TSPAN11: variants seen among roughly 807,000 people sequenced by gnomAD.
TSPAN11 encodes tetraspanin 11, also known as tetraspanin-11.
Under a neutral mutation model 32.9 loss-of-function variants are expected in TSPAN11, and 29 were observed. The observed-to-expected ratio is 0.88, with a 90% CI of 0.66 to 1.20. The LOEUF (loss-of-function observed/expected upper bound fraction) is 1.20. Among genes scored for constraint, TSPAN11 ranks in the 50% most tolerant of loss-of-function variants. The pLI, the probability that TSPAN11 is intolerant of heterozygous loss-of-function variation, is 0.00. For synonymous variants in TSPAN11, 140 were observed against 141.3 expected (o/e 0.99, Z 0.07); for missense variants, 283 against 329.1 (o/e 0.86, Z 1.08).
rs915160578 is a variant in TSPAN11 at position 30,991,993 on chromosome 12, G to A, written c.*78G>A. On this transcript the variant is annotated 3_prime_UTR_variant, in exon 8 of 8. Transcript: ENST00000546076. The stretch of plus-strand genomic sequence containing the variant: ...GCCATCTGCAAGGCCTGCAGAGTTA[G>A]CACCAGCTCCACTAGGGCCATAGAT... 9.9e-6 allele frequency: 15 copies of A among 1,522,810 alleles called. No individual in the cohort carries two copies. In the African/African-American group the frequency reaches 1.1e-4, roughly 11 times the overall value. 94.3% of individuals were successfully genotyped at this position (1,522,810 alleles called of 1,614,324 possible).
At chr12:30,945,844 T>A (rs1401270434) in intron 1 of TSPAN11, among the ~76,000 whole-genome samples, 1 of 152,094 alleles carries the variant, frequency 6.6e-6, no homozygotes, top group Non-Finnish European at 1.5e-5. Flanking sequence ...TCTATGACAT[T>A]AATGGCCCCC....
chr12:31,004,013 G>A, the TSPAN11 span, among the ~76,000 whole-genome samples: 1 of 152,154 alleles, frequency 6.6e-6, no homozygotes, highest in Non-Finnish European at 1.5e-5. Flanking sequence ...CTCAGCCCTG[G>A]GAGCAGACAG....
At chr12:30,959,833 G>T (rs779860625) in intron 2 of TSPAN11, among the ~76,000 whole-genome samples, 1 of 150,560 alleles carries the variant, frequency 6.6e-6, no homozygotes, top group Admixed American at 6.6e-5. Flanking sequence ...ACCAGAAGAT[G>T]ATGCCAAAAA....
At chr12:30,987,844 G>A (rs564304798) in intron 7 of TSPAN11, among the ~76,000 whole-genome samples, 7 of 152,372 alleles carry the variant, frequency 4.6e-5, no homozygotes, top group Non-Finnish European at 8.8e-5. Context: ...AGTCATGTGG[G>A]GAAAGGAGGG....
At chr12:30,990,691 G>A (rs1939295339) in intron 7 of TSPAN11, among the ~76,000 whole-genome samples, 1 of 152,192 alleles carries the variant, frequency 6.6e-6, no homozygotes, top group Admixed American at 6.5e-5. Context: ...AGACAGTACA[G>A]GACACACGCA....
At chr12:30,938,130 A>G (rs1938084231) in intron 1 of TSPAN11, among the ~76,000 whole-genome samples, 2 of 152,226 alleles carry the variant, frequency 1.3e-5, no homozygotes, top group Non-Finnish European at 2.9e-5. Flanking sequence ...CTGGGAGACC[A>G]TTAGTAGTCT....
Position 30,957,629 on chromosome 12 carries a change from ATCCC to A in TSPAN11, c.84+3576_84+3579del, listed in dbSNP as rs60180017. ...ATATAAAAGGGGTTGAAATCAATCA[ATCCC>A]TCCCTCCCTCCCTCCCTCCCTTCCT... is the stretch of plus-strand genomic sequence containing the variant. On this transcript the variant is annotated intron_variant, in intron 2 of 7. Transcript: ENST00000546076. 7.7e-3 allele frequency among the ~76,000 whole-genome samples: 1,069 copies of A among 138,852 alleles called. 13 individuals carry two copies. The highest frequency in any genetic ancestry group is 0.031 in the African/African-American group (972 of 31,614). The allele number at this position is 138,852 out of a possible 152,430, so 91.1% of individuals were successfully genotyped here.
intron 2 of TSPAN11, among the ~76,000 whole-genome samples, chr12:30,960,373 G>A (rs1322145693): frequency 1.3e-5 from 2 of 151,960 alleles, no homozygotes; most frequent in Admixed American, 6.5e-5. Flanking sequence ...TGAGGGTGGA[G>A]AACTCCCCTC....
intron 3 of TSPAN11, among the ~76,000 whole-genome samples, chr12:30,974,487 C>A (rs1938919440): frequency 6.6e-6 from 1 of 152,230 alleles, no homozygotes; most frequent in East Asian, 1.9e-4. Flanking sequence ...ATGCTACTCT[C>A]AGATCAGAAA....
At chr12:30,973,786 C>T (rs916176846) in intron 3 of TSPAN11, among the ~76,000 whole-genome samples, 5 of 152,168 alleles carry the variant, frequency 3.3e-5, no homozygotes, top group African/African-American at 1.2e-4. Flanking sequence ...TATAATAATT[C>T]AAAAAGCAAT....
chr12:31,010,097 G>T, the TSPAN11 span, among the ~76,000 whole-genome samples: 1 of 152,206 alleles, frequency 6.6e-6, no homozygotes, highest in Non-Finnish European at 1.5e-5. Context: ...AGGGAAGAGT[G>T]CAGGAAAGAA....
chr12:31,002,972 G>A, the TSPAN11 span, among the ~76,000 whole-genome samples: 5 of 152,254 alleles, frequency 3.3e-5, no homozygotes, highest in East Asian at 1.9e-4. This position sits in a 1 kb window ranked among gnomAD's most constrained non-coding sequence, Gnocchi z 4.8. Flanking sequence ...CCAGCCGCCC[G>A]GAGGCAGTTC....
intron 2 of TSPAN11, among the ~76,000 whole-genome samples, chr12:30,960,465 AT>A (rs1302969452): frequency 6.6e-6 from 1 of 151,748 alleles, no homozygotes; most frequent in Non-Finnish European, 1.5e-5. Context: ...CAGAAGCCCT[AT>A]GGTAGCGAGA....
At chr12:30,959,180 G>A (rs1387232008) in intron 2 of TSPAN11, among the ~76,000 whole-genome samples, 1 of 152,078 alleles carries the variant, frequency 6.6e-6, no homozygotes, top group Non-Finnish European at 1.5e-5. Flanking sequence ...GTACCAGGCC[G>A]TGTGCTGGGC....
At chr12:30,977,706 G>A (rs892569623) in intron 3 of TSPAN11, among the ~76,000 whole-genome samples, 1 of 152,016 alleles carries the variant, frequency 6.6e-6, no homozygotes, top group Non-Finnish European at 1.5e-5. Context: ...GGTCGAGCAG[G>A]GTCTCAGGAG....
chr12:30,990,139 T>TGTGTGTGTGTGTGCAA (rs1248386486), intron 7 of TSPAN11, among the ~76,000 whole-genome samples: 1 of 151,472 alleles, frequency 6.6e-6, no homozygotes, highest in Non-Finnish European at 1.5e-5. Flanking sequence ...GGTGTTCACG[T>TGTGTGTGTGTGTGCAA]GTGTGTGTGT....
chr12:30,929,667 T>C (rs537923995), intron 1 of TSPAN11, among the ~76,000 whole-genome samples: 3 of 152,316 alleles, frequency 2.0e-5, no homozygotes, highest in African/African-American at 4.8e-5. Flanking sequence ...TCTTGAGTAG[T>C]TGGCAGTGCT....
intron 1 of TSPAN11, among the ~76,000 whole-genome samples, chr12:30,937,104 G>A (rs909934658): frequency 6.6e-6 from 1 of 152,224 alleles, no homozygotes; most frequent in Non-Finnish European, 1.5e-5. Context: ...TTCAAATTCA[G>A]CAGAGATGAA....
chr12:30,978,312 G>A, intron 3 of TSPAN11: 2 of 492,956 alleles, frequency 4.1e-6, no homozygotes, highest in South Asian at 3.9e-5. Flanking sequence ...CTGGCATCTG[G>A]CATATGGCAT....
Sources: gnomAD v4.1 joint callset for allele counts (sites outside exome capture counted in the v4.1 genomes callset) on GRCh38, gnomAD v4.1.1 for gene constraint, Gnocchi (gnomAD v3.1) non-coding constraint, MANE v1.5 for transcripts, NCBI Gene and HGNC (gene_info 2026-07-23, HGNC 2026-07-21) for gene names.